MYO5B: variants seen among roughly 807,000 people sequenced by gnomAD.
MYO5B encodes unconventional myosin-Vb.
A neutral mutation model predicts 229.3 loss-of-function variants in MYO5B; 143 were observed. That is an observed-to-expected ratio of 0.62 (90% CI 0.54 to 0.72). MYO5B has a LOEUF of 0.72. Among genes scored for constraint, MYO5B ranks in the 30% least tolerant of loss-of-function variants. The pLI, the probability that MYO5B is intolerant of heterozygous loss-of-function variation, is 0.00. For missense variants in MYO5B, 2,321 were observed against 2,331.0 expected (o/e 1.00, Z 0.09); for synonymous variants, 918 against 885.2 (o/e 1.04, Z -0.66).
intron 1 of MYO5B, among the ~76,000 whole-genome samples, chr18:50,141,360 C>A (rs140234892): frequency 1.1e-3 from 165 of 152,340 alleles, no homozygotes; most frequent in African/African-American, 3.7e-3. Context: ...ATAAATATGA[C>A]TGCAAAATTG....
intron 9 of MYO5B, among the ~76,000 whole-genome samples, chr18:49,978,199 T>C (rs1317102141): frequency 6.6e-6 from 1 of 152,110 alleles, no homozygotes; most frequent in East Asian, 1.9e-4. Flanking sequence ...CCTCCATCCA[T>C]GCCTCCCTAA....
intron 27 of MYO5B, chr18:49,871,786 T>TC (rs2024458829): frequency 3.2e-6 from 1 of 315,340 alleles, no homozygotes; most frequent in South Asian, 3.1e-5. Context: ...TGTGCATTCC[T>TC]CCCTGCCATG....
intron 14 of MYO5B, among the ~76,000 whole-genome samples, chr18:49,937,967 T>C (rs1327648559): frequency 3.3e-5 from 5 of 152,166 alleles, no homozygotes; most frequent in African/African-American, 1.2e-4. Flanking sequence ...GTGAATTGTG[T>C]GCTTCAAAAG....
intron 35 of MYO5B, 40 bp from the exon 36 acceptor site, chr18:49,839,334 T>A: frequency 6.2e-7 from 1 of 1,608,146 alleles, no homozygotes; most frequent in Non-Finnish European, 8.5e-7. Flanking sequence ...TTCTCTGGTC[T>A]GCTGGGCCCA....
intron 10 of MYO5B, among the ~76,000 whole-genome samples, chr18:49,969,360 A>G (rs1195582380): frequency 6.6e-6 from 1 of 152,240 alleles, no homozygotes; most frequent in East Asian, 1.9e-4. Context: ...CCCACCAAAC[A>G]AAGGTGAACA....
At chr18:49,931,334 A>G (rs1414397753) in intron 16 of MYO5B, among the ~76,000 whole-genome samples, 2 of 152,056 alleles carry the variant, frequency 1.3e-5, no homozygotes, top group African/African-American at 4.8e-5. Context: ...GGCTGTGCTC[A>G]CTGTGGCTTC....
chr18:49,839,583 C>T (rs1198616225), intron 35 of MYO5B, among the ~76,000 whole-genome samples: 1 of 152,194 alleles, frequency 6.6e-6, no homozygotes, highest in South Asian at 2.1e-4. Context: ...TAGGTTGGTA[C>T]CAGGTCCAGA....
chr18:49,907,000 G>A (rs2024907115), intron 18 of MYO5B, among the ~76,000 whole-genome samples: 1 of 152,206 alleles, frequency 6.6e-6, no homozygotes, highest in East Asian at 1.9e-4. Flanking sequence ...AGGCAGCTCT[G>A]TGGAGGTGAC....
At chr18:49,869,359 G>A (rs886996042) in intron 27 of MYO5B, among the ~76,000 whole-genome samples, 10 of 152,194 alleles carry the variant, frequency 6.6e-5, no homozygotes, top group Non-Finnish European at 1.2e-4. Context: ...TCTTCAACAT[G>A]AGTGCTTCCT....
At chr18:49,952,040 GT>G (rs895279007) in intron 14 of MYO5B, among the ~76,000 whole-genome samples, 2 of 152,164 alleles carry the variant, frequency 1.3e-5, no homozygotes, top group Admixed American at 6.5e-5. Context: ...ATTCTCTGAT[GT>G]TCCAGATATC....
chr18:50,171,902 T>C (rs1298289596), intron 1 of MYO5B, among the ~76,000 whole-genome samples: 1 of 110,166 alleles, frequency 9.1e-6, no homozygotes, highest in Non-Finnish European at 1.9e-5. Flanking sequence ...AAAACTCAAT[T>C]CAGAAAAATC....
At chr18:49,943,601 T>C (rs1166105597) in intron 14 of MYO5B, among the ~76,000 whole-genome samples, 1 of 152,228 alleles carries the variant, frequency 6.6e-6, no homozygotes, top group Non-Finnish European at 1.5e-5. Flanking sequence ...CTAGATTGAC[T>C]AGTTTGTGCA....
intron 2 of MYO5B, among the ~76,000 whole-genome samples, chr18:50,042,819 G>A (rs766725296): frequency 2.0e-5 from 3 of 152,170 alleles, no homozygotes; most frequent in African/African-American, 4.8e-5. Context: ...GGACCGCCAG[G>A]TGCAGAGCCA....
At chr18:49,846,077 G>A (rs1419855090) in intron 33 of MYO5B, among the ~76,000 whole-genome samples, 2 of 152,228 alleles carry the variant, frequency 1.3e-5, no homozygotes, top group African/African-American at 2.4e-5. Context: ...GCCCCAGGGA[G>A]CACATGGGGG....
At chr18:49,909,132 C>T (rs1446194855) in intron 18 of MYO5B, among the ~76,000 whole-genome samples, 1 of 152,208 alleles carries the variant, frequency 6.6e-6, no homozygotes, top group Non-Finnish European at 1.5e-5. Flanking sequence ...CTGGCATGTG[C>T]CCCTCTAAGT....
At chr18:50,184,843 A>T (rs2033123599) in intron 1 of MYO5B, among the ~76,000 whole-genome samples, 1 of 151,200 alleles carries the variant, frequency 6.6e-6, no homozygotes, top group Admixed American at 6.6e-5. Context: ...GTTCAAGACC[A>T]GCATGAGCAA....
intron 26 of MYO5B, among the ~76,000 whole-genome samples, chr18:49,873,779 G>A (rs780462515): frequency 1.3e-5 from 2 of 152,210 alleles, no homozygotes; most frequent in African/African-American, 2.4e-5. Context: ...TCACCCTATT[G>A]GCCAAGGTGA....
At chr18:49,837,377 G>T in intron 37 of MYO5B, 140 bp downstream of exon 37, 1 of 1,031,456 alleles carries the variant, frequency 9.7e-7, no homozygotes, top group Non-Finnish European at 1.5e-6. Context: ...TGATGGATTT[G>T]AGTCACAGAC....
intron 18 of MYO5B, 144 bp downstream of exon 18, chr18:49,911,918 G>A: frequency 1.3e-6 from 1 of 747,332 alleles, no homozygotes; most frequent in Non-Finnish European, 2.4e-6. Context: ...TCTAGTCACT[G>A]ATGTAGGAAA....
Sources: gnomAD v4.1 joint callset for allele counts (sites outside exome capture counted in the v4.1 genomes callset) on GRCh38, gnomAD v4.1.1 for gene constraint, MANE v1.5 for transcripts, NCBI Gene and HGNC (gene_info 2026-07-23, HGNC 2026-07-21) for gene names.